Variants in SDC4 observed in about 807,000 individuals in gnomAD.
SDC4 encodes syndecan 4.
A neutral mutation model predicts 20.5 loss-of-function variants in SDC4; 17 were observed. The observed-to-expected ratio is 0.83, with a 90% CI of 0.57 to 1.25. The LOEUF is 1.25. Among genes scored for constraint, SDC4 ranks in the 50% most tolerant of loss-of-function variants. SDC4 has a pLI of 0.00. For missense variants in SDC4, 241 were observed against 252.3 expected (o/e 0.96, Z 0.30); for synonymous variants, 107 against 105.3 (o/e 1.02, Z -0.10).
At chr20:45,338,300 C>T (rs1301799342) in intron 1 of SDC4, among the ~76,000 whole-genome samples, 4 of 152,214 alleles carry the variant, frequency 2.6e-5, no homozygotes, top group Non-Finnish European at 4.4e-5. Flanking sequence ...CATAAACACA[C>T]GCATGAACAC....
In SDC4 at chr20:45,348,310, C is replaced by A; in HGVS notation, c.60+15G>T. 6.3e-7 allele frequency: 1 copy of A among 1,577,196 alleles called. No homozygotes were observed. On this transcript the variant is annotated intron_variant, in intron 1 of 4. Transcript: ENST00000372733. ...CCCCGCTTCGCCCCCAGCCCGGGAA[C>A]CTCCAAGCACCCACCGACTCGGCGA... is the stretch of plus-strand genomic sequence containing the variant.
chr20:45,340,318 G>A (rs1371056904), intron 1 of SDC4, among the ~76,000 whole-genome samples: 1 of 152,298 alleles, frequency 6.6e-6, no homozygotes, highest in South Asian at 2.1e-4. Context: ...GCCTTGCAAG[G>A]TGCTCTACCC....
chr20:45,345,150 G>T (rs1172579309), intron 1 of SDC4: 1 of 152,116 alleles, frequency 6.6e-6, no homozygotes. Flanking sequence ...ATTCATACAA[G>T]CATTTCCTGA....
Position 45,325,634 on chromosome 20 carries a change from C to A in SDC4, c.*1630G>T, listed in dbSNP as rs1065649. 4.8e-5 allele frequency: 7 copies of A among 144,884 alleles called. No individual in the cohort carries two copies. Among genetic ancestry groups the A allele is most frequent in the South Asian group, 2.2e-4 (1 of 4,608 alleles). 9.0% of individuals were successfully genotyped at this position (144,884 alleles called of 1,614,324 possible). On this transcript the variant is annotated 3_prime_UTR_variant, in exon 5 of 5. Transcript: ENST00000372733. ...CATCAGCCCTCCCCCATTCCCCCCC[C>A]CCTACCCAGGGAGACAAGGGTCGTC...
rs577246817 is a variant in SDC4 at position 45,344,723 on chromosome 20, C to G, written c.60+3602G>C. 2.1e-3 allele frequency among the ~76,000 whole-genome samples: 321 copies of G among 152,318 alleles called. 1 individual carries two copies. The highest frequency in any genetic ancestry group is 4.1e-3 in the Non-Finnish European group (279 of 68,016). On this transcript the variant is annotated intron_variant, in intron 1 of 4. Transcript: ENST00000372733. ...CTTCTGAGACTGGGATTTGTTTAGA[C>G]TCTTCACCAAGGAGGCCAGCAAAGG...
intron 1 of SDC4, among the ~76,000 whole-genome samples, chr20:45,337,902 T>C (rs543900022): frequency 1.2e-4 from 18 of 152,294 alleles, no homozygotes; most frequent in Admixed American, 3.9e-4. Flanking sequence ...AGAGGTTAAG[T>C]GCTGCTCAGA....
intron 1 of SDC4, 91 bp downstream of exon 1, chr20:45,348,234 T>G: frequency 3.5e-6 from 3 of 865,462 alleles, no homozygotes; most frequent in African/African-American, 3.1e-5. Context: ...ACCCCCGATC[T>G]GCCCCCCCCC....
rs1422339977 is a variant in SDC4 at position 45,326,204 on chromosome 20, C to G, written c.*1060G>C. 3 of 151,546 alleles carry G rather than the reference C, an allele frequency of 2.0e-5. No individual in the cohort carries two copies. The highest frequency in any genetic ancestry group is 6.6e-5 in the Admixed American group (1 of 15,218). 9.4% of individuals were successfully genotyped at this position (151,546 alleles called of 1,614,324 possible). A position where few individuals can be genotyped will look rare whatever the true frequency, so the allele number is the denominator to read the frequency against. On this transcript the variant is annotated 3_prime_UTR_variant, in exon 5 of 5. Transcript: ENST00000372733. ...CATCCCCTTCATTATATTTTGGGAT[C>G]TGCTAAAAAAAAACTATGTTTCGGC...
intron 1 of SDC4, among the ~76,000 whole-genome samples, chr20:45,341,044 A>ATCCTCAGTT (rs1193732589): frequency 6.6e-6 from 1 of 152,166 alleles, no homozygotes; most frequent in Non-Finnish European, 1.5e-5. Context: ...CATCTCTGAA[A>ATCCTCAGTT]TCCTCAGTTT....
At chr20:45,334,097 C>T (rs1313555852) in intron 2 of SDC4, among the ~76,000 whole-genome samples, 3 of 151,870 alleles carry the variant, frequency 2.0e-5, no homozygotes, top group Non-Finnish European at 4.4e-5. Context: ...TGGGTTCAAG[C>T]GATTCTCCTG....
At chr20:45,333,829 A>T (rs1229853866) in intron 2 of SDC4, among the ~76,000 whole-genome samples, 1 of 152,166 alleles carries the variant, frequency 6.6e-6, no homozygotes, top group Admixed American at 6.6e-5. Context: ...ATTTATTTTC[A>T]ATAGTCTCTT....
Position 45,335,905 on chromosome 20 carries a change from C to T in SDC4, c.76G>A (p.Val26Ile), listed in dbSNP as rs765922195. The T allele has an allele frequency of 3.2e-5, 52 of 1,612,910 alleles. No individual in the cohort carries two copies. Among genetic ancestry groups the T allele is most frequent in the African/African-American group, 5.3e-5 (4 of 74,900 alleles). Reference protein sequence around the residue: ...GVAESIRETEVIDPQDLLEGR... With the variant: ...GVAESIRETEIIDPQDLLEGR... ...TCTAGGAGGTCCTGGGGGTCGATGA[C>T]CTCAGTCTCTCGGATCTAAGATAAA... The change falls in exon 2 of 5, where the codon GTC becomes ATC. Residue 26 changes from valine (V) to isoleucine (I), a missense_variant. By Grantham distance (29) the Val-to-Ile change is conservative. Coordinates refer to ENST00000372733, the MANE Select transcript of SDC4 (RefSeq NM_002999.4).
chr20:45,328,756 T>C (rs918006598), intron 4 of SDC4, among the ~76,000 whole-genome samples: 3 of 152,174 alleles, frequency 2.0e-5, no homozygotes, highest in African/African-American at 7.2e-5. Context: ...ATGTACACAA[T>C]GGGGACAGAG....
At chr20:45,339,121 G>A (rs1052794411) in intron 1 of SDC4, among the ~76,000 whole-genome samples, 1 of 152,326 alleles carries the variant, frequency 6.6e-6, no homozygotes, top group East Asian at 1.9e-4. Flanking sequence ...CCAGCAAGAC[G>A]GGACCAAGCC....
intron 1 of SDC4, among the ~76,000 whole-genome samples, chr20:45,337,226 A>C (rs1418242100): frequency 6.6e-6 from 1 of 152,244 alleles, no homozygotes; most frequent in Non-Finnish European, 1.5e-5. Flanking sequence ...GTTTGCCCAG[A>C]GAACAGCAGC....
In SDC4 at chr20:45,335,817, G is replaced by A. The variant is rs765053382; in HGVS notation, c.164C>T (p.Ser55Phe). Residue 55 changes from serine to phenylalanine, a missense_variant, in exon 2 of 5, where the codon TCT (serine) becomes TTT (phenylalanine). By Grantham distance (155) the Ser-to-Phe change is radical. Transcript: ENST00000372733. The part of the protein sequence containing the change: ...DEDVVGPGQE[S>F]DDFELSGSGD... ...AGAGCCAGACAGCTCAAAGTCATCA[G>A]ATTCCTGCCCGGGCCCCACTACATC... 6.2e-7 allele frequency: 1 copy of A among 1,614,016 alleles called. No individual in the cohort carries two copies. The highest frequency in any genetic ancestry group is 1.1e-5 in the South Asian group (1 of 91,062).
chr20:45,342,892 TAAGAACCCTC>T (rs1987975193), intron 1 of SDC4, among the ~76,000 whole-genome samples: 1 of 152,186 alleles, frequency 6.6e-6, no homozygotes, highest in Admixed American at 6.5e-5. Flanking sequence ...CTGGCCGGGT[TAAGAACCCTC>T]GTCTAGGTGC....
chr20:45,341,307 A>T (rs1291751206), intron 1 of SDC4, among the ~76,000 whole-genome samples: 1 of 152,208 alleles, frequency 6.6e-6, no homozygotes, highest in Admixed American at 6.5e-5. Flanking sequence ...CTGTAAAGGA[A>T]TATAATCTAT....
Position 45,336,059 on chromosome 20 carries a change from C to A in SDC4, c.61-139G>T, listed in dbSNP as rs542567861. Reference sequence around the variant, plus strand: ...CTGGAGACCTGCGTCCTGGATCCCACTCTACCTCTAACTCACCGCGTGTCC... The same window carrying A: ...CTGGAGACCTGCGTCCTGGATCCCAATCTACCTCTAACTCACCGCGTGTCC... On this transcript the variant is annotated intron_variant, in intron 1 of 4. Transcript: ENST00000372733. 2.0e-3 allele frequency: 1,560 copies of A among 790,864 alleles called. 4 individuals carry two copies. The highest frequency in any genetic ancestry group is 7.7e-3 in the Middle Eastern group (26 of 3,356). The allele number at this position is 790,864 out of a possible 1,614,324, so 49.0% of individuals were successfully genotyped here.
Sources: allele counts gnomAD v4.1 joint callset (sites outside exome capture counted in the v4.1 genomes callset), GRCh38; gene constraint gnomAD v4.1.1; transcripts MANE v1.5; gene names NCBI Gene and HGNC (gene_info 2026-07-23, HGNC 2026-07-21).